The following CAPZA2 variants were observed in gnomAD, a reference collection of about 807,000 sequenced individuals.
The protein encoded by CAPZA2 is F-actin-capping protein subunit alpha-2.
A neutral mutation model predicts 44.0 loss-of-function variants in CAPZA2; 13 were observed. The ratio of observed to expected loss-of-function variants is 0.30; its 90% CI spans 0.19 to 0.47. The LOEUF (loss-of-function observed/expected upper bound fraction) is 0.47, where lower values mean the gene tolerates loss of function less well. Ranked by LOEUF, CAPZA2 falls within the 20% of genes least tolerant of loss-of-function variation. The pLI is 1.00. For synonymous variants in CAPZA2, 94 were observed against 108.2 expected (o/e 0.87, Z 0.81); for missense variants, 244 against 338.6 (o/e 0.72, Z 2.19).
intron 6 of CAPZA2, among the ~76,000 whole-genome samples, chr7:116,907,704 T>A (rs1488305165): frequency 6.6e-6 from 1 of 152,132 alleles, no homozygotes; most frequent in Non-Finnish European, 1.5e-5. Context: ...CGGTCTCAAA[T>A]TCCAGGGCTC....
At chr7:116,898,686 T>G in intron 3 of CAPZA2, 86 bp from the exon 4 acceptor site, 1 of 814,776 alleles carries the variant, frequency 1.2e-6, no homozygotes, top group Non-Finnish European at 1.9e-6. Context: ...AGGAGGAGAC[T>G]TTATTGATGG....
At chr7:116,906,984 C>T (rs1791522981) in intron 6 of CAPZA2, among the ~76,000 whole-genome samples, 1 of 152,186 alleles carries the variant, frequency 6.6e-6, no homozygotes, top group Non-Finnish European at 1.5e-5. Context: ...TTCTTTAAGA[C>T]TTTACAAGTC....
chr7:116,871,674 G>T (rs887538644), intron 1 of CAPZA2, among the ~76,000 whole-genome samples: 1 of 152,214 alleles, frequency 6.6e-6, no homozygotes, highest in African/African-American at 2.4e-5. Context: ...CTCATCTTTG[G>T]ATAACCAGAC....
chr7:116,880,181 A>G (rs1264252099), intron 1 of CAPZA2: 1 of 451,588 alleles, frequency 2.2e-6, no homozygotes. Flanking sequence ...CCATATCAAA[A>G]AAGTACTCAT....
Position 116,918,027 on chromosome 7 carries a change from C to A in CAPZA2, c.*160C>A. The A allele has an allele frequency of 3.6e-6, 2 of 558,984 alleles. No homozygotes were observed. Among genetic ancestry groups the A allele is most frequent in the Non-Finnish European group, 3.2e-6 (1 of 313,522 alleles). 34.6% of individuals were successfully genotyped at this position (558,984 alleles called of 1,614,324 possible). Reference sequence around the variant, plus strand: ...AGAGCACAAAGCTTAGCTAATCAACCATTATTTTTCATTTTGTTTGTTCTA... The same window carrying A: ...AGAGCACAAAGCTTAGCTAATCAACAATTATTTTTCATTTTGTTTGTTCTA... On this transcript the variant is annotated 3_prime_UTR_variant, in exon 10 of 10. Transcript: ENST00000361183.
intron 1 of CAPZA2, among the ~76,000 whole-genome samples, chr7:116,867,781 G>T (rs190798073): frequency 6.6e-6 from 1 of 151,954 alleles, no homozygotes; most frequent in African/African-American, 2.4e-5. Context: ...ACAGGGTTTC[G>T]CTATGTTGCC....
chr7:116,866,320 T>C (rs1245332219), intron 1 of CAPZA2, among the ~76,000 whole-genome samples: 2 of 151,842 alleles, frequency 1.3e-5, no homozygotes, highest in Non-Finnish European at 2.9e-5. Flanking sequence ...TACAGGCGCC[T>C]GCCACCGCGC....
In CAPZA2 at chr7:116,921,035, A is replaced by G. The variant is rs527856791; in HGVS notation, c.*3168A>G. 3 of 152,458 alleles carry G rather than the reference A, an allele frequency of 2.0e-5. No homozygotes were observed. Among genetic ancestry groups the G allele is most frequent in the African/African-American group, 4.8e-5 (2 of 41,562 alleles). The allele number at this position is 152,458 out of a possible 1,614,324, so 9.4% of individuals were successfully genotyped here. A position where few individuals can be genotyped will look rare whatever the true frequency, so the allele number is the denominator to read the frequency against. On this transcript the variant is annotated 3_prime_UTR_variant, in exon 10 of 10. Coordinates refer to ENST00000361183, the MANE Select transcript of CAPZA2 (RefSeq NM_006136.3). ...ACGGGGGGAGGGATAGTGAAAATGT[A>G]CAACCAGTGGATTATAGGTGTGTTA...
chr7:116,879,050 C>T (rs1796655548), intron 1 of CAPZA2, among the ~76,000 whole-genome samples: 1 of 142,930 alleles, frequency 7.0e-6, no homozygotes, highest in Admixed American at 7.7e-5. Flanking sequence ...CACTTGAACC[C>T]AGGAGGCAGA....
intron 1 of CAPZA2, among the ~76,000 whole-genome samples, chr7:116,876,836 A>G (rs748786632): frequency 1.6e-4 from 24 of 152,232 alleles, no homozygotes; most frequent in Non-Finnish European, 3.1e-4. Flanking sequence ...AGGAGACAGC[A>G]CACCACGCAG....
At chr7:116,892,764 G>A (rs1796865637) in intron 2 of CAPZA2, among the ~76,000 whole-genome samples, 1 of 152,014 alleles carries the variant, frequency 6.6e-6, no homozygotes, top group East Asian at 1.9e-4. Context: ...ACTGTTAAGG[G>A]TGTAAACAAG....
intron 1 of CAPZA2, among the ~76,000 whole-genome samples, chr7:116,870,202 C>T (rs1027940687): frequency 6.6e-6 from 1 of 152,018 alleles, no homozygotes; most frequent in Non-Finnish European, 1.5e-5. Context: ...AAACTAGATT[C>T]GAAGAGGAAT....
At chr7:116,880,844 A>T (rs1046416429) in intron 1 of CAPZA2, among the ~76,000 whole-genome samples, 7 of 149,652 alleles carry the variant, frequency 4.7e-5, no homozygotes, top group African/African-American at 1.7e-4. Context: ...AGTAGCTGGG[A>T]TTACAGGTGT....
chr7:116,867,565 C>T (rs747099231), intron 1 of CAPZA2, among the ~76,000 whole-genome samples: 4 of 149,426 alleles, frequency 2.7e-5, no homozygotes, highest in Non-Finnish European at 1.5e-5. Context: ...GAGCTGCATA[C>T]TAGTCCATTT....
At chr7:116,916,038 A>ATTT in intron 8 of CAPZA2, 22 bp from the exon 9 acceptor site, 2 of 1,375,160 alleles carry the variant, frequency 1.5e-6, no homozygotes, top group Non-Finnish European at 2.0e-6. Flanking sequence ...TACTATTTTT[A>ATTT]TTTTGTTTTT....
intron 2 of CAPZA2, among the ~76,000 whole-genome samples, chr7:116,891,700 A>G (rs1163229545): frequency 6.6e-6 from 1 of 151,946 alleles, no homozygotes; most frequent in Admixed American, 6.6e-5. Context: ...TTTAGTAGAG[A>G]CGGGGTTTCA....
chr7:116,904,411 T>C (rs1791458178), intron 5 of CAPZA2, 28 bp downstream of exon 5: 2 of 1,385,586 alleles, frequency 1.4e-6, no homozygotes, highest in Non-Finnish European at 2.1e-6. Context: ...GCTTTGTGTG[T>C]GTGTTTTGTG....
chr7:116,898,266 T>G (rs1796952226), intron 3 of CAPZA2, among the ~76,000 whole-genome samples: 1 of 127,716 alleles, frequency 7.8e-6, no homozygotes, highest in Admixed American at 7.4e-5. Flanking sequence ...GAATGTAATC[T>G]TTTTTTTTTT....
Position 116,917,785 on chromosome 7 carries a change from G to A in CAPZA2, c.779G>A (p.Arg260Gln). The A allele has an allele frequency of 1.2e-6, 2 of 1,608,842 alleles. No individual in the cohort carries two copies. Among genetic ancestry groups the A allele is most frequent in the Non-Finnish European group, 8.5e-7 (1 of 1,175,220 alleles). Reference sequence around the variant, plus strand: ...GACACTACTTTCAAAGCCTTACGTCGACAGTTGCCAGTTACACGCACTAAG... The same window carrying A: ...GACACTACTTTCAAAGCCTTACGTCAACAGTTGCCAGTTACACGCACTAAG... ...MSDTTFKALR[R>Q]QLPVTRTKID... Residue 260 changes from arginine to glutamine, a missense_variant, in exon 10 of 10, where the codon CGA (arginine) becomes CAA (glutamine). Coordinates refer to ENST00000361183, the MANE Select transcript of CAPZA2 (RefSeq NM_006136.3).
Sources: allele counts gnomAD v4.1 joint callset (sites outside exome capture counted in the v4.1 genomes callset), GRCh38; gene constraint gnomAD v4.1.1; transcripts MANE v1.5; gene names NCBI Gene and HGNC (gene_info 2026-07-23, HGNC 2026-07-21).